Variants in KLHL24 observed in about 807,000 individuals in gnomAD.
KLHL24 encodes kelch like family member 24, also known as kelch-like protein 24.
Under a neutral mutation model 53.4 loss-of-function variants are expected in KLHL24, and 29 were observed. The ratio of observed to expected loss-of-function variants is 0.54; its 90% CI spans 0.40 to 0.74. The LOEUF (loss-of-function observed/expected upper bound fraction) is 0.74. Ranked by LOEUF, KLHL24 falls within the 30% of genes least tolerant of loss-of-function variation. The probability of loss-of-function intolerance (pLI) is 0.00; values close to 1 mark genes in which losing one functional copy is unlikely to be tolerated. For synonymous variants in KLHL24, 222 were observed against 253.7 expected, an observed-to-expected ratio of 0.88 and a Z score of 1.19; for missense variants, 504 against 744.0, an observed-to-expected ratio of 0.68 and a Z score of 3.75.
chr3:183,648,917 C>A (rs1300943442), intron 2 of KLHL24, among the ~76,000 whole-genome samples: 1 of 152,002 alleles, frequency 6.6e-6, no homozygotes, highest in Non-Finnish European at 1.5e-5. Flanking sequence ...GTAGCAGAAT[C>A]CCTTGAACCT....
At chr3:183,653,372 G>A (rs1718397386) in intron 3 of KLHL24, among the ~76,000 whole-genome samples, 1 of 152,168 alleles carries the variant, frequency 6.6e-6, no homozygotes, top group African/African-American at 2.4e-5. Flanking sequence ...ACCACTGGGT[G>A]AAACAGAAGG....
intron 2 of KLHL24, among the ~76,000 whole-genome samples, chr3:183,646,712 G>A (rs1717300840): frequency 6.6e-6 from 1 of 152,184 alleles, no homozygotes; most frequent in African/African-American, 2.4e-5. Flanking sequence ...AAATGTAATA[G>A]AAGTTTAAGG....
intron 7 of KLHL24, among the ~76,000 whole-genome samples, chr3:183,676,240 C>T (rs770496777): frequency 1.3e-5 from 2 of 152,146 alleles, no homozygotes; most frequent in Admixed American, 6.6e-5. Flanking sequence ...GGATTACAGG[C>T]GCATGCCACC....
At position 183,650,470 on chromosome 3, in the gene KLHL24, G is replaced by A; in HGVS notation, c.114G>A (p.Glu38=). The A allele has an allele frequency of 6.2e-7, 1 of 1,614,114 alleles. No homozygotes were observed. Reference sequence around the variant, plus strand: ...ACCCCAAATCTCTGACAGGTCATGAGTTTTTTGACTTCTCTTCAGGATCAT... The same window carrying A: ...ACCCCAAATCTCTGACAGGTCATGAATTTTTTGACTTCTCTTCAGGATCAT... ...EMDPKSLTGH[E]FFDFSSGSSH... The change falls in exon 3 of 8, where the codon GAG becomes GAA. Residue 38 remains glutamate (E), a synonymous_variant. Coordinates refer to ENST00000242810, the MANE Select transcript of KLHL24 (RefSeq NM_017644.3). The surrounding 1 kb of genome is among the most constrained non-coding windows in gnomAD (Gnocchi z 4.5).
chr3:183,639,587 G>A (rs941307782), intron 1 of KLHL24, among the ~76,000 whole-genome samples: 18 of 139,522 alleles, frequency 1.3e-4, no homozygotes, highest in Non-Finnish European at 2.0e-4. Context: ...CCAAGATCGC[G>A]CCGCTGCACT....
At chr3:183,639,848 C>CCAAA (rs59730186) in intron 1 of KLHL24, among the ~76,000 whole-genome samples, 57,570 of 150,312 alleles carry the variant, frequency 0.38, 13,520 homozygotes, top group African/African-American at 0.67. Context: ...CCACTAAAAA[C>CCAAA]CAAACAAACA....
intron 1 of KLHL24, among the ~76,000 whole-genome samples, chr3:183,642,602 CAAAAAAAAAAAAAAA>C (rs377410456): frequency 1.1e-5 from 1 of 92,976 alleles, no homozygotes. Flanking sequence ...CCCCTTCCAC[CAAAAAAAAAAAAAAA>C]AAAAAAAAAA....
chr3:183,656,256 T>C (rs1375051275), intron 3 of KLHL24, among the ~76,000 whole-genome samples: 1 of 152,068 alleles, frequency 6.6e-6, no homozygotes, highest in Non-Finnish European at 1.5e-5. Flanking sequence ...CCTGAACTCC[T>C]GGGCTCAAGA....
intron 1 of KLHL24, among the ~76,000 whole-genome samples, chr3:183,641,291 G>A (rs1249469497): frequency 2.0e-5 from 3 of 151,858 alleles, no homozygotes; most frequent in African/African-American, 7.3e-5. Context: ...TCAAGAGATC[G>A]AGGCCATCCT....
chr3:183,655,190 C>T (rs1485206274), intron 3 of KLHL24, among the ~76,000 whole-genome samples: 2 of 152,178 alleles, frequency 1.3e-5, no homozygotes, highest in African/African-American at 4.8e-5. Context: ...ATATTAAAAA[C>T]AGTGTGGTGG....
At chr3:183,675,796 AAAG>A (rs1711741429) in intron 7 of KLHL24, among the ~76,000 whole-genome samples, 1 of 152,116 alleles carries the variant, frequency 6.6e-6, no homozygotes, top group African/African-American at 2.4e-5. Flanking sequence ...AAGAAAGAAA[AAAG>A]AAAAAGAATT....
intron 1 of KLHL24, among the ~76,000 whole-genome samples, chr3:183,642,251 G>T (rs564419439): frequency 6.6e-6 from 1 of 152,100 alleles, no homozygotes. Flanking sequence ...ACTTAGCTAG[G>T]AGTAACAATT....
chr3:183,637,489 G>A (rs960227224), intron 1 of KLHL24, among the ~76,000 whole-genome samples: 3 of 152,164 alleles, frequency 2.0e-5, no homozygotes, highest in Non-Finnish European at 4.4e-5. Context: ...TTTTAAAATT[G>A]TACATTAAGC....
intron 3 of KLHL24, among the ~76,000 whole-genome samples, chr3:183,655,927 TA>T (rs200350273): frequency 0.031 from 4,608 of 150,336 alleles, 175 homozygotes; most frequent in East Asian, 0.16. Flanking sequence ...GAGACTCCTT[TA>T]AAAAAAAATT....
chr3:183,656,044 T>TC, intron 3 of KLHL24, among the ~76,000 whole-genome samples: 1 of 129,728 alleles, frequency 7.7e-6, no homozygotes, highest in Non-Finnish European at 1.7e-5. Flanking sequence ...CATCTTTTTT[T>TC]TTTTTTTTTT....
intron 5 of KLHL24, among the ~76,000 whole-genome samples, chr3:183,670,445 G>T (rs967992565): frequency 6.6e-6 from 1 of 152,094 alleles, no homozygotes; most frequent in Non-Finnish European, 1.5e-5. Context: ...TCTTATTTGT[G>T]AAAAGAAAAT....
At chr3:183,652,521 A>T (rs375180842) in intron 3 of KLHL24, among the ~76,000 whole-genome samples, 9 of 152,116 alleles carry the variant, frequency 5.9e-5, no homozygotes, top group African/African-American at 2.2e-4. Context: ...TGTTAAGTAT[A>T]TTTACATTGT....
At chr3:183,676,701 C>A (rs1478389812) in intron 7 of KLHL24, among the ~76,000 whole-genome samples, 6 of 152,010 alleles carry the variant, frequency 3.9e-5, no homozygotes, top group Non-Finnish European at 8.8e-5. Flanking sequence ...ACATATTTTG[C>A]TTTTTAACCT....
Position 183,650,821 on chromosome 3 carries a change from T to C in KLHL24, c.465T>C (p.Cys155=). 6.2e-7 allele frequency: 1 copy of C among 1,614,128 alleles called. No homozygotes were observed. The highest frequency in any genetic ancestry group is 8.5e-7 in the Non-Finnish European group (1 of 1,179,998). The part of the protein sequence containing the change: ...LFQISVLRDA[C]AKFLEEQLDP... ...AGATTAGTGTTCTCCGTGATGCATG[T>C]GCCAAGTTCTTGGAGGAGCAACTTG... is the stretch of plus-strand genomic sequence containing the variant. Residue 155 remains cysteine, a synonymous_variant, in exon 3 of 8, where the codon TGT becomes TGC. Transcript: ENST00000242810. This position sits in a 1 kb window ranked among gnomAD's most constrained non-coding sequence, Gnocchi z 4.5.
Sources: gnomAD v4.1 joint callset for allele counts (sites outside exome capture counted in the v4.1 genomes callset) on GRCh38, gnomAD v4.1.1 for gene constraint, Gnocchi (gnomAD v3.1) non-coding constraint, MANE v1.5 for transcripts, NCBI Gene and HGNC (gene_info 2026-07-23, HGNC 2026-07-21) for gene names.